PIK3CG: variants seen among roughly 807,000 people sequenced by gnomAD.
PIK3CG encodes phosphatidylinositol-4,5-bisphosphate 3-kinase catalytic subunit gamma, also known as phosphatidylinositol 4,5-bisphosphate 3-kinase catalytic subunit gamma isoform.
In PIK3CG, 55 loss-of-function variants were observed where a neutral mutation model predicts 102.3. The observed-to-expected ratio is 0.54, with a 90% CI of 0.43 to 0.67. The LOEUF (loss-of-function observed/expected upper bound fraction) is 0.67, where lower values mean the gene tolerates loss of function less well. Among genes scored for constraint, PIK3CG ranks in the 30% least tolerant of loss-of-function variants. The probability of loss-of-function intolerance (pLI) is 0.00; values close to 1 mark genes in which losing one functional copy is unlikely to be tolerated. For missense variants in PIK3CG, 1,258 were observed against 1,391.8 expected, an observed-to-expected ratio of 0.90 and a Z score of 1.53; for synonymous variants, 552 against 540.0, an observed-to-expected ratio of 1.02 and a Z score of -0.31.
rs1383062917 is a variant in PIK3CG, at chr7:106,908,449, C to G, written c.*3062C>G. Among the ~76,000 whole-genome samples the G allele has an allele frequency of 6.6e-6, 1 of 152,160 alleles. No homozygotes were observed. Among genetic ancestry groups the G allele is most frequent in the Non-Finnish European group, 1.5e-5 (1 of 68,030 alleles). On this transcript the variant is annotated 3_prime_UTR_variant, in exon 11 of 11. Transcript: ENST00000496166. The surrounding 1 kb of genome is among the most constrained non-coding windows in gnomAD (Gnocchi z 4.1). Reference sequence around the variant, plus strand: ...TATGGCTGTACATTAGGACCTAGAACAGTGGCCCATTGCTCTTAGACTGGA... The same window carrying G: ...TATGGCTGTACATTAGGACCTAGAAGAGTGGCCCATTGCTCTTAGACTGGA...
At position 106,877,693 on chromosome 7, in the gene PIK3CG, T is replaced by C. The variant is rs1443021845; in HGVS notation, c.2392-1826T>C. Among the ~76,000 whole-genome samples, 2 of 152,214 alleles carry C rather than the reference T, an allele frequency of 1.3e-5. No individual in the cohort carries two copies. The highest frequency in any genetic ancestry group is 2.9e-5 in the Non-Finnish European group (2 of 68,040). On this transcript the variant is annotated intron_variant, in intron 5 of 10. Transcript: ENST00000496166. This position sits in a 1 kb window ranked among gnomAD's most constrained non-coding sequence, Gnocchi z 4.5. Reference sequence around the variant, plus strand: ...TTGTCAAGTATCAACTGACCGTATATGTGTGGGTCTACACCTAGATTCTCT... The same window carrying C: ...TTGTCAAGTATCAACTGACCGTATACGTGTGGGTCTACACCTAGATTCTCT...
rs1406526085 is a variant in PIK3CG, at chr7:106,902,360, A to G, written c.3031-2749A>G. On this transcript the variant is annotated intron_variant, in intron 10 of 10. Coordinates refer to ENST00000496166, the MANE Select transcript of PIK3CG (RefSeq NM_001282426.2). The surrounding 1 kb of genome is among the most constrained non-coding windows in gnomAD (Gnocchi z 4.3). ...GTAAAATCACCCTTTCTAGGTGTAC[A>G]GTTCTGTGAATTTTGACAAATGCAT... 8.5e-5 allele frequency among the ~76,000 whole-genome samples: 13 copies of G among 152,190 alleles called. No homozygotes were observed. The highest frequency in any genetic ancestry group is 1.3e-4 in the Admixed American group (2 of 15,282).
rs1450847898 is a variant in PIK3CG, at chr7:106,875,916, T to TTG, written c.2391+1114_2391+1115insGT. On this transcript the variant is annotated intron_variant, in intron 5 of 10. Coordinates refer to ENST00000496166, the MANE Select transcript of PIK3CG (RefSeq NM_001282426.2). ...ATCATCAGTTTTTTTTTTGTTTTTT[T>TTG]TTTTTTTTTGAGACGGAGTCTCGCT... is the stretch of plus-strand genomic sequence containing the variant. 3.4e-5 allele frequency among the ~76,000 whole-genome samples: 5 copies of TTG among 148,582 alleles called. No individual in the cohort carries two copies. In the East Asian group the frequency reaches 7.8e-4, roughly 23 times the overall value.
rs554642097 is a variant in PIK3CG at position 106,902,170 on chromosome 7, G to C, written c.3031-2939G>C. ...CCTGGGGACTCCACCCCAGAGAGAT[G>C]CAGGTCAGCAGTGGCTCAGTGCAAG... On this transcript the variant is annotated intron_variant, in intron 10 of 10. Coordinates refer to ENST00000496166, the MANE Select transcript of PIK3CG (RefSeq NM_001282426.2). This position sits in a 1 kb window ranked among gnomAD's most constrained non-coding sequence, Gnocchi z 4.3. 6.6e-6 allele frequency among the ~76,000 whole-genome samples: 1 copy of C among 152,276 alleles called. No homozygotes were observed.
In PIK3CG at chr7:106,883,631, A is replaced by G. The variant is rs1225263873; in HGVS notation, c.2760+468A>G. 1.3e-5 allele frequency among the ~76,000 whole-genome samples: 2 copies of G among 152,234 alleles called. No individual in the cohort carries two copies. Among genetic ancestry groups the G allele is most frequent in the African/African-American group, 4.8e-5 (2 of 41,464 alleles). On this transcript the variant is annotated intron_variant, in intron 8 of 10. Transcript: ENST00000496166. This position sits in a 1 kb window ranked among gnomAD's most constrained non-coding sequence, Gnocchi z 5.8. The stretch of plus-strand genomic sequence containing the variant: ...CTTCCACCATTCCTTGGAAGTGCAT[A>G]TGCTCAATCCTTCACAAGCTGTGTT...
rs559396490 is a variant in PIK3CG, at chr7:106,879,290, G to A, written c.2392-229G>A. On this transcript the variant is annotated intron_variant, in intron 5 of 10. Transcript: ENST00000496166. The surrounding 1 kb of genome is among the most constrained non-coding windows in gnomAD (Gnocchi z 4.9). ...TTCCAAAGACTCTTGTGGTTCTTTG[G>A]AGCACAGTTTGAGAGGCACTGGTTT... Among the ~76,000 whole-genome samples, 16 of 152,258 alleles carry A rather than the reference G, an allele frequency of 1.1e-4. No individual in the cohort carries two copies. Among genetic ancestry groups the A allele is most frequent in the African/African-American group, 3.9e-4 (16 of 41,530 alleles).
rs1240109448 is a variant in PIK3CG, at chr7:106,872,731, T to A, written c.2080T>A (p.Phe694Ile). The change falls in exon 4 of 11, where the codon TTT becomes ATT. Residue 694 changes from phenylalanine (F) to isoleucine (I), a missense_variant. Transcript: ENST00000496166. The surrounding 1 kb of genome is among the most constrained non-coding windows in gnomAD (Gnocchi z 5.3). ...CCCTCAGAACAAAAGAATTGGTCAC[T>A]TTTTGTTTTGGTTCTTGAGAAGTGA... The part of the protein sequence containing the change: ...RGLRNKRIGH[F>I]LFWFLRSEIA... The A allele has an allele frequency of 1.9e-6, 3 of 1,613,980 alleles. No individual in the cohort carries two copies. Among genetic ancestry groups the A allele is most frequent in the Non-Finnish European group, 1.7e-6 (2 of 1,179,820 alleles).
At position 106,894,328 on chromosome 7, in the gene PIK3CG, C is replaced by T. The variant is rs1232398006; in HGVS notation, c.3030+8036C>T. 6.6e-6 allele frequency among the ~76,000 whole-genome samples: 1 copy of T among 152,164 alleles called. No homozygotes were observed. Among genetic ancestry groups the T allele is most frequent in the African/African-American group, 2.4e-5 (1 of 41,444 alleles). ...ACTAAAGTAGAATAGCTTATTGTAG[C>T]ATTTAGGTTTCTAATGTGCTTCTAG... On this transcript the variant is annotated intron_variant, in intron 10 of 10. Coordinates refer to ENST00000496166, the MANE Select transcript of PIK3CG (RefSeq NM_001282426.2). The surrounding 1 kb of genome is among the most constrained non-coding windows in gnomAD (Gnocchi z 4.4).
In PIK3CG at chr7:106,874,888, A is replaced by G. The variant is rs1031580957; in HGVS notation, c.2391+85A>G. On this transcript the variant is annotated intron_variant, in intron 5 of 10. Transcript: ENST00000496166. The surrounding 1 kb of genome is among the most constrained non-coding windows in gnomAD (Gnocchi z 4.3). ...TGCTGGGGCCCAGTACTTAAAAGCT[A>G]ATGTTTATGCAGAGACAGGGAAGCT... The G allele has an allele frequency of 6.0e-6, 5 of 829,112 alleles. No individual in the cohort carries two copies. Among genetic ancestry groups the G allele is most frequent in the African/African-American group, 1.7e-5 (1 of 58,258 alleles). The allele number at this position is 829,112 out of a possible 1,614,324, so 51.4% of individuals were successfully genotyped here.
In PIK3CG at chr7:106,894,281, C is replaced by T. The variant is rs568229238; in HGVS notation, c.3030+7989C>T. ...ACACAGACACACACACACACCCCTA[C>T]GTGCACGCTATCAGAATATTGACTA... On this transcript the variant is annotated intron_variant, in intron 10 of 10. Transcript: ENST00000496166. The surrounding 1 kb of genome is among the most constrained non-coding windows in gnomAD (Gnocchi z 4.4). Among the ~76,000 whole-genome samples, 7 of 152,048 alleles carry T rather than the reference C, an allele frequency of 4.6e-5. No individual in the cohort carries two copies. Among genetic ancestry groups the T allele is most frequent in the East Asian group, 1.9e-4 (1 of 5,192 alleles).
intron 10 of PIK3CG, among the ~76,000 whole-genome samples, chr7:106,887,649 T>G (rs886431878): frequency 2.6e-5 from 4 of 152,174 alleles, no homozygotes; most frequent in African/African-American, 4.8e-5. Context: ...ATAAACTCAA[T>G]TGAGTTTCAG....
In PIK3CG at chr7:106,896,178, C is replaced by T. The variant is rs543467157; in HGVS notation, c.3031-8931C>T. Among the ~76,000 whole-genome samples the T allele has an allele frequency of 1.2e-4, 19 of 152,360 alleles. No individual in the cohort carries two copies. The East Asian group carries it at 3.7e-3, about 29-fold the overall frequency. ...AGGACAGTTATTTCCTTTAACGCCT[C>T]TCCTTGGGTACAGCAGGGATAGGTG... On this transcript the variant is annotated intron_variant, in intron 10 of 10. Coordinates refer to ENST00000496166, the MANE Select transcript of PIK3CG (RefSeq NM_001282426.2).
chr7:106,905,947 T>A lies in PIK3CG; in HGVS notation c.*560T>A, dbSNP rs1436764570. 2.2e-5 allele frequency: 5 copies of A among 230,456 alleles called. No individual in the cohort carries two copies. Among genetic ancestry groups the A allele is most frequent in the Non-Finnish European group, 3.4e-5 (4 of 116,682 alleles). The allele number at this position is 230,456 out of a possible 1,614,324, so 14.3% of individuals were successfully genotyped here. A position where few individuals can be genotyped will look rare whatever the true frequency, so the allele number is the denominator to read the frequency against. ...TGTCTTTTGCAATTCAATTCTTTTG[T>A]CATGTATAACTGAGACACACAAACA... On this transcript the variant is annotated 3_prime_UTR_variant, in exon 11 of 11. Coordinates refer to ENST00000496166, the MANE Select transcript of PIK3CG (RefSeq NM_001282426.2). The surrounding 1 kb of genome is among the most constrained non-coding windows in gnomAD (Gnocchi z 5.6).
Position 106,891,864 on chromosome 7 carries a change from AT to A in PIK3CG, c.3030+5573del, listed in dbSNP as rs774749839. 1.6e-4 allele frequency among the ~76,000 whole-genome samples: 25 copies of A among 151,908 alleles called. No individual in the cohort carries two copies. The highest frequency in any genetic ancestry group is 2.9e-4 in the Non-Finnish European group (20 of 67,996). ...ACCCTGTTTCCAGTTCCGCAGTCTTATCCCCATGCCAGCGTATACCCAAGCC... is the reference window on the plus strand; with the variant it reads ...ACCCTGTTTCCAGTTCCGCAGTCTTACCCCATGCCAGCGTATACCCAAGCC... On this transcript the variant is annotated intron_variant, in intron 10 of 10. Coordinates refer to ENST00000496166, the MANE Select transcript of PIK3CG (RefSeq NM_001282426.2). The surrounding 1 kb of genome is among the most constrained non-coding windows in gnomAD (Gnocchi z 4.4).
In PIK3CG at chr7:106,902,356, G is replaced by A. The variant is rs1237585354; in HGVS notation, c.3031-2753G>A. 6.6e-6 allele frequency among the ~76,000 whole-genome samples: 1 copy of A among 152,096 alleles called. No homozygotes were observed. Among genetic ancestry groups the A allele is most frequent in the Non-Finnish European group, 1.5e-5 (1 of 68,030 alleles). ...AGGTGTAAAATCACCCTTTCTAGGT[G>A]TACAGTTCTGTGAATTTTGACAAAT... On this transcript the variant is annotated intron_variant, in intron 10 of 10. Transcript: ENST00000496166. The surrounding 1 kb of genome is among the most constrained non-coding windows in gnomAD (Gnocchi z 4.3).
At position 106,879,715 on chromosome 7, in the gene PIK3CG, T is replaced by C; in HGVS notation, c.2538+50T>C. On this transcript the variant is annotated intron_variant, in intron 6 of 10. Coordinates refer to ENST00000496166, the MANE Select transcript of PIK3CG (RefSeq NM_001282426.2). This position sits in a 1 kb window ranked among gnomAD's most constrained non-coding sequence, Gnocchi z 4.9. ...CAATTATCTGAAAACAATTCTATAT[T>C]ACATCAAAAACATGCTTTCTCCTAC... 1 of 1,413,884 alleles carries C rather than the reference T, an allele frequency of 7.1e-7. No homozygotes were observed. The highest frequency in any genetic ancestry group is 9.9e-7 in the Non-Finnish European group (1 of 1,007,342). 87.6% of individuals were successfully genotyped at this position (1,413,884 alleles called of 1,614,324 possible). A position where few individuals can be genotyped will look rare whatever the true frequency, so the allele number is the denominator to read the frequency against.
rs1220538284 is a variant in PIK3CG, at chr7:106,902,121, T to C, written c.3031-2988T>C. Among the ~76,000 whole-genome samples the C allele has an allele frequency of 6.6e-6, 1 of 152,174 alleles. No homozygotes were observed. The highest frequency in any genetic ancestry group is 1.5e-5 in the Non-Finnish European group (1 of 68,030). ...GAGGAAGGGACTTTGGTATTGGTTGTGGCCAAGGGTCATTTGCTTGTCACC... is the reference window on the plus strand; with the variant it reads ...GAGGAAGGGACTTTGGTATTGGTTGCGGCCAAGGGTCATTTGCTTGTCACC... On this transcript the variant is annotated intron_variant, in intron 10 of 10. Transcript: ENST00000496166. This position sits in a 1 kb window ranked among gnomAD's most constrained non-coding sequence, Gnocchi z 4.3.
intron 10 of PIK3CG, among the ~76,000 whole-genome samples, chr7:106,900,870 T>C (rs1317050094): frequency 1.3e-5 from 2 of 152,220 alleles, no homozygotes; most frequent in East Asian, 3.8e-4. Flanking sequence ...TCTTTAAGAA[T>C]GTTGAATATA....
chr7:106,889,651 T>C (rs1245320656), intron 10 of PIK3CG, among the ~76,000 whole-genome samples: 2 of 152,178 alleles, frequency 1.3e-5, no homozygotes, highest in Non-Finnish European at 1.5e-5. Context: ...TGGAGAAAAA[T>C]TGACCCACTT....
Sources: gnomAD v4.1 joint callset for allele counts (sites outside exome capture counted in the v4.1 genomes callset) on GRCh38, gnomAD v4.1.1 for gene constraint, Gnocchi (gnomAD v3.1) non-coding constraint, MANE v1.5 for transcripts, NCBI Gene and HGNC (gene_info 2026-07-23, HGNC 2026-07-21) for gene names.